The following CR1 variants were observed in gnomAD, a reference collection of about 807,000 sequenced individuals.
The protein encoded by CR1 is complement C3b/C4b receptor 1 (Knops blood group), also known as complement receptor type 1.
In CR1, 116 loss-of-function variants were observed where a neutral mutation model predicts 187.3. That is an observed-to-expected ratio of 0.62 (90% confidence interval 0.53 to 0.72). The LOEUF is 0.72. CR1 is among the 30% of genes least tolerant of loss of function. The probability of loss-of-function intolerance (pLI) is 0.00; values close to 1 mark genes in which losing one functional copy is unlikely to be tolerated. For synonymous variants in CR1, 576 were observed against 747.1 expected (o/e 0.77, Z 3.73); for missense variants, 1,731 against 2,110.7 (o/e 0.82, Z 3.52).
In CR1 at chr1:207,564,880, G is replaced by T. The variant is rs1456685977; in HGVS notation, c.3866+646G>T. ...CAGGAAAAATTGCAAGTAATGAAAA[G>T]CTTATTATTAAAAGCTAGGATCCTT... On this transcript the variant is annotated intron_variant, in intron 23 of 46. Coordinates refer to ENST00000367049, the MANE Select transcript of CR1 (RefSeq NM_000651.6). Among the ~76,000 whole-genome samples the T allele has an allele frequency of 2.0e-5, 3 of 150,328 alleles. 1 individual carries two copies. Among genetic ancestry groups the T allele is most frequent in the African/African-American group, 7.5e-5 (3 of 39,762 alleles).
chr1:207,516,955 G>A (rs1044814996), intron 4 of CR1, among the ~76,000 whole-genome samples: 1 of 151,768 alleles, frequency 6.6e-6, no homozygotes, highest in Non-Finnish European at 1.5e-5. Flanking sequence ...TATTGCATTG[G>A]CTAGAACCTC....
Position 207,584,546 on chromosome 1 carries a change from T to G in CR1, c.5303-103T>G, listed in dbSNP as rs1661051642. 2.2e-6 allele frequency: 3 copies of G among 1,384,090 alleles called. No individual in the cohort carries two copies. The African/African-American group carries it at 4.4e-5, about 20-fold the overall frequency. 85.7% of individuals were successfully genotyped at this position (1,384,090 alleles called of 1,614,324 possible). On this transcript the variant is annotated intron_variant, in intron 32 of 46. Transcript: ENST00000367049. ...TTTCTACTTTCCTTAAGAAGAAAAG[T>G]ACGCTTAATTGGCAACACAGTCACA...
In CR1 at chr1:207,511,582, G is replaced by A; in HGVS notation, c.415G>A (p.Gly139Ser). The change falls in exon 4 of 47, where the codon GGT becomes AGT. Residue 139 changes from glycine (G) to serine (S), a missense_variant. Physicochemically the swap from Gly to Ser is moderately conservative, Grantham distance 56 (BLOSUM62 0). Coordinates refer to ENST00000367049, the MANE Select transcript of CR1 (RefSeq NM_000651.6). ...TTTTGCCTCTAGATACCGACTCATT[G>A]GTTCCTCGTCTGCCACATGCATCAT... ...YSCTKGYRLI[G>S]SSSATCIISG... 1.2e-6 allele frequency: 2 copies of A among 1,613,214 alleles called. No individual in the cohort carries two copies. Among genetic ancestry groups the A allele is most frequent in the Non-Finnish European group, 1.7e-6 (2 of 1,179,422 alleles).
At chr1:207,630,739 G>C in intron 46 of CR1, 118 bp downstream of exon 46, 1 of 580,898 alleles carries the variant, frequency 1.7e-6, no homozygotes. Flanking sequence ...AATTTAGAAA[G>C]TACTTCAGGA....
At chr1:207,519,302 TAAA>T (rs955352910) in intron 4 of CR1, among the ~76,000 whole-genome samples, 3 of 151,924 alleles carry the variant, frequency 2.0e-5, no homozygotes, top group Admixed American at 2.0e-4. Context: ...AATTTAATAA[TAAA>T]AATTAAAAAT....
At chr1:207,586,956 A>G (rs1661129130) in intron 33 of CR1, among the ~76,000 whole-genome samples, 1 of 152,228 alleles carries the variant, frequency 6.6e-6, no homozygotes, top group South Asian at 2.1e-4. Context: ...GGTACCTGCT[A>G]TGAAAGGCCA....
chr1:207,513,732 T>TACCC (rs1659693311), intron 4 of CR1, among the ~76,000 whole-genome samples: 1 of 38,818 alleles, frequency 2.6e-5, no homozygotes, highest in Non-Finnish European at 5.0e-5. Flanking sequence ...CCCTCCCTCC[T>TACCC]TTCCTCCCTC....
At chr1:207,607,036 T>A (rs1222900698) in intron 35 of CR1, among the ~76,000 whole-genome samples, 15 of 152,146 alleles carry the variant, frequency 9.9e-5, no homozygotes, top group Admixed American at 9.8e-4. Flanking sequence ...TTGTGAGGGA[T>A]TAGGAATAAA....
rs56173301 is a variant in CR1, at chr1:207,575,202, T to TACACACAC, written c.4452-369_4452-362dup. On this transcript the variant is annotated intron_variant, in intron 27 of 46. Coordinates refer to ENST00000367049, the MANE Select transcript of CR1 (RefSeq NM_000651.6). ...TCTCAAGTAAAATGACATAGTATTA[T>TACACACAC]ACACACACACACACACACACACACA... Among the ~76,000 whole-genome samples, 848 of 149,430 alleles carry TACACACAC rather than the reference T, an allele frequency of 5.7e-3. 17 individuals carry two copies. In the South Asian group the frequency reaches 0.064, roughly 11 times the overall value.
At chr1:207,587,298 T>C (rs1278440702) in intron 33 of CR1, 88 bp from the exon 34 acceptor site, 1 of 1,133,538 alleles carries the variant, frequency 8.8e-7, no homozygotes, top group Non-Finnish European at 1.3e-6. Flanking sequence ...GTTTCTGTGA[T>C]CCACCTATCA....
At chr1:207,613,028 C>T (rs943260138) in intron 39 of CR1, among the ~76,000 whole-genome samples, 4 of 152,212 alleles carry the variant, frequency 2.6e-5, no homozygotes, top group Non-Finnish European at 4.4e-5. Context: ...TGCTTCCTTT[C>T]GCGTGGTACA....
At chr1:207,578,329 A>G in intron 29 of CR1, 126 bp downstream of exon 29, 36 of 1,559,486 alleles carry the variant, frequency 2.3e-5, no homozygotes, top group Non-Finnish European at 3.1e-5. Flanking sequence ...TTTTGGGGGA[A>G]GAAGCATGAA....
rs749055778 is a variant in CR1, at chr1:207,616,610, G to A, written c.6697G>A (p.Gly2233Arg). 2 of 1,613,602 alleles carry A rather than the reference G, an allele frequency of 1.2e-6. No individual in the cohort carries two copies. The highest frequency in any genetic ancestry group is 1.7e-6 in the Non-Finnish European group (2 of 1,179,654). Residue 2233 changes from glycine (G) to arginine (R), a missense_variant, in exon 41 of 47, where the codon GGG becomes AGG. Transcript: ENST00000367049. ...TCCAAATCCTCCAGCTATCCTTAAT[G>A]GGAGACACACAGGAACTCCCTTTGG... ...FCPNPPAILN[G>R]RHTGTPFGDI... is the part of the protein sequence containing the mutation.
intron 45 of CR1, 129 bp from the exon 46 acceptor site, chr1:207,630,388 G>T: frequency 1.8e-6 from 1 of 564,792 alleles, no homozygotes; most frequent in Non-Finnish European, 3.1e-6. Flanking sequence ...CCTTTCAGAC[G>T]TCTTGCAAAG....
At position 207,502,055 on chromosome 1, in the gene CR1, T is replaced by C. The variant is rs182682433; in HGVS notation, c.122-3849T>C. On this transcript the variant is annotated intron_variant, in intron 1 of 46. Transcript: ENST00000367049. The stretch of plus-strand genomic sequence containing the variant: ...GGGGGACATAGCTTGGATTCTTGAT[T>C]TTTTTGAGTTTTATAAGTAATTCTT... Among the ~76,000 whole-genome samples, 7 of 152,308 alleles carry C rather than the reference T, an allele frequency of 4.6e-5. No individual in the cohort carries two copies. The East Asian group carries it at 1.3e-3, about 29-fold the overall frequency.
intron 3 of CR1, among the ~76,000 whole-genome samples, chr1:207,508,803 A>AT (rs1381039690): frequency 6.6e-6 from 1 of 152,108 alleles, no homozygotes; most frequent in Non-Finnish European, 1.5e-5. Context: ...AGGGAGCAAT[A>AT]AAGTAATCTT....
rs774262384 is a variant in CR1, at chr1:207,523,739, G to C, written c.616G>C (p.Glu206Gln). 103 of 1,612,272 alleles carry C rather than the reference G, an allele frequency of 6.4e-5. No individual in the cohort carries two copies. The highest frequency in any genetic ancestry group is 8.3e-5 in the Non-Finnish European group (98 of 1,179,838). ...TGGAAGCGGAGGGAGAAAGGTGTTTGAGCTTGTGGGTGAGCCCTCCATATA... is the reference window on the plus strand; with the variant it reads ...TGGAAGCGGAGGGAGAAAGGTGTTTCAGCTTGTGGGTGAGCCCTCCATATA... ...NPGSGGRKVF[E>Q]LVGEPSIYCT... The change falls in exon 5 of 47, where the codon GAG becomes CAG. Residue 206 changes from glutamate (E) to glutamine (Q), a missense_variant. Around this residue, in one of 5 missense-constraint regions of CR1, gnomAD observed 131 missense variants for 196.8 expected, o/e 0.67. Transcript: ENST00000367049.
At chr1:207,501,083 A>T (rs2102330964) in intron 1 of CR1, among the ~76,000 whole-genome samples, 1 of 152,370 alleles carries the variant, frequency 6.6e-6, no homozygotes, top group Middle Eastern at 3.4e-3. Context: ...AATTTTAGAA[A>T]GTCAAATCAA....
intron 1 of CR1, among the ~76,000 whole-genome samples, chr1:207,497,524 A>C (rs995443523): frequency 2.0e-5 from 3 of 152,188 alleles, no homozygotes; most frequent in African/African-American, 7.2e-5. Flanking sequence ...AATAAAATAA[A>C]ATAAAGTAGA....
Sources: allele counts gnomAD v4.1 joint callset (sites outside exome capture counted in the v4.1 genomes callset), GRCh38; gene constraint gnomAD v4.1.1; regional missense constraint gnomAD v4.1.1; transcripts MANE v1.5; gene names NCBI Gene and HGNC (gene_info 2026-07-23, HGNC 2026-07-21).